Variants in SNX13 observed in about 807,000 individuals in gnomAD.
SNX13 encodes the protein sorting nexin 13.
A neutral mutation model predicts 133.6 loss-of-function variants in SNX13; 45 were observed. That is an observed-to-expected ratio of 0.34 (90% CI 0.27 to 0.43). SNX13 has a LOEUF of 0.43. SNX13 is among the 20% of genes least tolerant of loss of function. The pLI, the probability that SNX13 is intolerant of heterozygous loss-of-function variation, is 1.00. For synonymous variants in SNX13, 414 were observed against 373.9 expected (o/e 1.11, Z -1.24); for missense variants, 1,032 against 1,145.1 (o/e 0.90, Z 1.43).
At chr7:17,797,025 A>C (rs1784132286) in intron 24 of SNX13, 86 bp from the exon 25 acceptor site, 1 of 1,044,122 alleles carries the variant, frequency 9.6e-7, no homozygotes, top group Non-Finnish European at 1.5e-6. Context: ...TTTCTACAGA[A>C]AATACAAATG....
intron 20 of SNX13, among the ~76,000 whole-genome samples, chr7:17,805,250 T>TGTGTGTGTGTGTGTGTGCGCGCGCGC: frequency 2.9e-4 from 28 of 95,544 alleles, no homozygotes; most frequent in Non-Finnish European, 3.6e-4. Flanking sequence ...TGTGTGTGTG[T>TGTGTGTGTGTGTGTGTGCGCGCGCGC]GCGTGCGCGC....
rs935479487 is a variant in SNX13, at chr7:17,940,440, T to G, written c.-145A>C. The G allele has an allele frequency of 1.8e-5, 16 of 891,994 alleles. No individual in the cohort carries two copies. Among genetic ancestry groups the G allele is most frequent in the East Asian group, 5.3e-5 (2 of 37,996 alleles). The allele number at this position is 891,994 out of a possible 1,614,324, so 55.3% of individuals were successfully genotyped here. A position where few individuals can be genotyped will look rare whatever the true frequency, so the allele number is the denominator to read the frequency against. ...GGGCGGCGGTTTTACTCGGCTTCGC[T>G]GGCCTCCCCTCGGCCCGGTCGCTCG... is the stretch of plus-strand genomic sequence containing the variant. On this transcript the variant is annotated 5_prime_UTR_variant, in exon 1 of 26. Coordinates refer to ENST00000428135, the MANE Select transcript of SNX13 (RefSeq NM_015132.5).
rs1783776912 is a variant in SNX13 at position 17,793,861 on chromosome 7, CT to C, written c.*183del. The C allele has an allele frequency of 1.6e-6, 1 of 612,464 alleles. No homozygotes were observed. The highest frequency in any genetic ancestry group is 1.9e-5 in the African/African-American group (1 of 53,222). 37.9% of individuals were successfully genotyped at this position (612,464 alleles called of 1,614,324 possible). A position where few individuals can be genotyped will look rare whatever the true frequency, so the allele number is the denominator to read the frequency against. ...CAAATCATTTAAGACACAGAAATCT[CT>C]CTTGGTAGTGGTGGATTATAGATGA... On this transcript the variant is annotated 3_prime_UTR_variant, in exon 26 of 26. Transcript: ENST00000428135.
chr7:17,841,588 A>C (rs1294315679), intron 12 of SNX13, among the ~76,000 whole-genome samples: 2 of 150,136 alleles, frequency 1.3e-5, no homozygotes, highest in Non-Finnish European at 1.5e-5. Context: ...ACACACGCAC[A>C]CACACCCCAA....
chr7:17,939,494 T>TTGCTAG (rs1802510159), intron 1 of SNX13, among the ~76,000 whole-genome samples: 1 of 152,236 alleles, frequency 6.6e-6, no homozygotes, highest in Non-Finnish European at 1.5e-5. Flanking sequence ...CCTTAAAGTG[T>TTGCTAG]TGCTAGTAAA....
chr7:17,890,331 T>G (rs746952984), intron 5 of SNX13, 32 bp downstream of exon 5: 1 of 1,592,108 alleles, frequency 6.3e-7, no homozygotes, highest in South Asian at 1.2e-5. Context: ...ACATCTAAAT[T>G]TTTCTGCATA....
chr7:17,821,887 T>C (rs998099336), intron 17 of SNX13, among the ~76,000 whole-genome samples: 1 of 152,112 alleles, frequency 6.6e-6, no homozygotes, highest in African/African-American at 2.4e-5. Flanking sequence ...TAAACTAAGT[T>C]CAGTATGACA....
chr7:17,839,929 C>T lies in SNX13; in HGVS notation c.1237G>A (p.Ala413Thr), dbSNP rs1310054166. The change falls in exon 13 of 26, where the codon GCC becomes ACC. Residue 413 changes from alanine to threonine, a missense_variant. Transcript: ENST00000428135. ...AATAAAACTTCTAGCTGCTGTTGGG[C>T]GGTAACCCGGTATCCTTCCACTGTC... ...WMTVEGYRVT[A>T]QQQLEVLLSR... 4.3e-6 allele frequency: 7 copies of T among 1,611,832 alleles called. No homozygotes were observed. The highest frequency in any genetic ancestry group is 1.3e-5 in the African/African-American group (1 of 74,736).
intron 1 of SNX13, among the ~76,000 whole-genome samples, chr7:17,914,015 C>G (rs1799286888): frequency 6.6e-6 from 1 of 151,830 alleles, no homozygotes; most frequent in Non-Finnish European, 1.5e-5. Context: ...GAAAAACAAT[C>G]CAATTCAAAA....
intron 3 of SNX13, among the ~76,000 whole-genome samples, chr7:17,892,184 T>C (rs981510842): frequency 3.3e-5 from 5 of 151,904 alleles, no homozygotes; most frequent in African/African-American, 7.2e-5. Context: ...TATATAAACA[T>C]AGATACAGAT....
intron 16 of SNX13, among the ~76,000 whole-genome samples, chr7:17,828,141 T>C (rs568399847): frequency 4.6e-5 from 7 of 151,880 alleles, no homozygotes; most frequent in African/African-American, 1.7e-4. Context: ...TTAGTAAATA[T>C]TATTTTCATT....
At chr7:17,865,397 A>G (rs917672139) in intron 9 of SNX13, among the ~76,000 whole-genome samples, 1 of 152,202 alleles carries the variant, frequency 6.6e-6, no homozygotes, top group African/African-American at 2.4e-5. Flanking sequence ...AATCACAAAT[A>G]AAATACGTAA....
chr7:17,923,603 A>G (rs1800382191), intron 1 of SNX13, among the ~76,000 whole-genome samples: 1 of 152,198 alleles, frequency 6.6e-6, no homozygotes, highest in Non-Finnish European at 1.5e-5. Flanking sequence ...ATGTGCTGAG[A>G]GAAAAAATAA....
intron 5 of SNX13, chr7:17,881,782 C>T (rs1795381672): frequency 6.6e-6 from 1 of 152,076 alleles, no homozygotes. Flanking sequence ...CTTCAGAGTC[C>T]TTGAAGAACT....
At chr7:17,927,894 A>G (rs984531545) in intron 1 of SNX13, among the ~76,000 whole-genome samples, 3 of 152,182 alleles carry the variant, frequency 2.0e-5, no homozygotes, top group African/African-American at 7.2e-5. Flanking sequence ...GTGTTCCTCT[A>G]CTAAATAAAG....
chr7:17,800,463 A>G (rs570707441), intron 22 of SNX13, among the ~76,000 whole-genome samples: 15 of 151,804 alleles, frequency 9.9e-5, no homozygotes, highest in Non-Finnish European at 1.6e-4. Flanking sequence ...GCTTGGATCA[A>G]CTGGACCCAT....
chr7:17,938,985 A>G (rs1802441538), intron 1 of SNX13, among the ~76,000 whole-genome samples: 6 of 152,250 alleles, frequency 3.9e-5, no homozygotes, highest in Admixed American at 3.9e-4. Flanking sequence ...AAAAATCTGT[A>G]GAATTTAGAA....
chr7:17,908,727 T>A (rs956934270), intron 1 of SNX13, among the ~76,000 whole-genome samples: 6 of 152,192 alleles, frequency 3.9e-5, no homozygotes, highest in Non-Finnish European at 7.3e-5. Flanking sequence ...AAAGCATAGT[T>A]TTCCTGGAAT....
At chr7:17,923,340 C>G (rs1335985840) in intron 1 of SNX13, among the ~76,000 whole-genome samples, 2 of 152,134 alleles carry the variant, frequency 1.3e-5, no homozygotes, top group African/African-American at 4.8e-5. Flanking sequence ...TATTTATATA[C>G]TGTCAAGGTT....
Sources: gnomAD v4.1 joint callset for allele counts (sites outside exome capture counted in the v4.1 genomes callset) on GRCh38, gnomAD v4.1.1 for gene constraint, MANE v1.5 for transcripts, NCBI Gene and HGNC (gene_info 2026-07-23, HGNC 2026-07-21) for gene names.